The following LNPK variants were observed in gnomAD, a reference collection of about 807,000 sequenced individuals.
LNPK encodes the protein lunapark, ER junction formation factor.
A neutral mutation model predicts 55.2 loss-of-function variants in LNPK; 29 were observed. The ratio of observed to expected loss-of-function variants is 0.53; its 90% confidence interval spans 0.39 to 0.72. The LOEUF (loss-of-function observed/expected upper bound fraction) is 0.72. Among genes scored for constraint, LNPK ranks in the 30% least tolerant of loss-of-function variants. The pLI is 0.00. For synonymous variants in LNPK, 162 were observed against 168.2 expected, an observed-to-expected ratio of 0.96 and a Z score of 0.29; for missense variants, 467 against 494.8, an observed-to-expected ratio of 0.94 and a Z score of 0.53.
intron 2 of LNPK, among the ~76,000 whole-genome samples, chr2:175,993,861 A>T (rs1687813353): frequency 6.6e-6 from 1 of 152,182 alleles, no homozygotes; most frequent in Non-Finnish European, 1.5e-5. Flanking sequence ...AATTCTTAGG[A>T]ATGATTACTC....
intron 9 of LNPK, among the ~76,000 whole-genome samples, chr2:175,942,217 G>T (rs751829189): frequency 1.3e-5 from 2 of 152,144 alleles, no homozygotes; most frequent in Non-Finnish European, 2.9e-5. Flanking sequence ...AAAGATAACT[G>T]ACTGCACTCT....
intron 1 of LNPK, among the ~76,000 whole-genome samples, chr2:175,999,046 T>C (rs1157995770): frequency 6.6e-6 from 1 of 152,178 alleles, no homozygotes; most frequent in Non-Finnish European, 1.5e-5. Context: ...GTGATAGTCA[T>C]TAAATGCCAT....
At chr2:175,933,953 G>T (rs955678885) in intron 12 of LNPK, among the ~76,000 whole-genome samples, 3 of 152,002 alleles carry the variant, frequency 2.0e-5, no homozygotes, top group Non-Finnish European at 1.5e-5. Context: ...GGCTGGTCTC[G>T]AACTGACCTT....
chr2:175,964,302 C>A (rs990267266), intron 8 of LNPK, 70 bp downstream of exon 8: 4 of 1,301,908 alleles, frequency 3.1e-6, no homozygotes, highest in Non-Finnish European at 4.4e-6. Flanking sequence ...ACCTCCAACA[C>A]ACTTTTGAAC....
At chr2:175,951,905 T>C (rs1045881672) in intron 8 of LNPK, among the ~76,000 whole-genome samples, 2 of 151,964 alleles carry the variant, frequency 1.3e-5, no homozygotes, top group Non-Finnish European at 2.9e-5. Context: ...CTTCTATTTT[T>C]TTAATTTTTT....
At chr2:175,972,510 A>G (rs1311990008) in intron 5 of LNPK, among the ~76,000 whole-genome samples, 1 of 152,106 alleles carries the variant, frequency 6.6e-6, no homozygotes, top group Non-Finnish European at 1.5e-5. Context: ...TTCAACCTAT[A>G]TAATAATTGA....
At chr2:175,949,921 T>C (rs931733254) in intron 8 of LNPK, among the ~76,000 whole-genome samples, 2 of 152,148 alleles carry the variant, frequency 1.3e-5, no homozygotes, top group Non-Finnish European at 2.9e-5. Flanking sequence ...CAGATTTATC[T>C]ACTTTTAACT....
At chr2:175,997,740 A>AGTGTGTGTGTGTGTGTGT (rs1559079701) in intron 1 of LNPK, among the ~76,000 whole-genome samples, 8 of 52,910 alleles carry the variant, frequency 1.5e-4, no homozygotes, top group African/African-American at 4.6e-4. Flanking sequence ...TGTGTGTATA[A>AGTGTGTGTGTGTGTGTGT]ATATAATTTT....
At chr2:175,975,103 T>A (rs529512274) in intron 5 of LNPK, among the ~76,000 whole-genome samples, 27 of 152,130 alleles carry the variant, frequency 1.8e-4, no homozygotes, top group African/African-American at 5.8e-4. Context: ...ATCTGCTATA[T>A]TACTAAATAT....
chr2:175,998,525 T>C (rs1360099582), intron 1 of LNPK, among the ~76,000 whole-genome samples: 1 of 152,102 alleles, frequency 6.6e-6, no homozygotes, highest in African/African-American at 2.4e-5. Context: ...TTTGATTTTT[T>C]AAGCACCCAG....
At position 175,964,379 on chromosome 2, in the gene LNPK, A is replaced by C; in HGVS notation, c.486T>G (p.Pro162=). ...TTCTACTAAGTTATTTACCTTGTCCAGGTCTTGCAGTTACAGCTGCTCCAG... is the reference window on the plus strand; with the variant it reads ...TTCTACTAAGTTATTTACCTTGTCCCGGTCTTGCAGTTACAGCTGCTCCAG... The part of the protein sequence containing the change: ...PSAGAAVTAR[P]GQEIRQRTAA... The change falls in exon 8 of 13, where the codon CCT becomes CCG. Residue 162 remains proline (P), a synonymous_variant. Transcript: ENST00000272748. 1 of 1,612,886 alleles carries C rather than the reference A, an allele frequency of 6.2e-7. No homozygotes were observed. Among genetic ancestry groups the C allele is most frequent in the Non-Finnish European group, 8.5e-7 (1 of 1,178,938 alleles).
chr2:175,957,253 G>A, intron 8 of LNPK, among the ~76,000 whole-genome samples: 1 of 151,932 alleles, frequency 6.6e-6, no homozygotes, highest in South Asian at 2.1e-4. Flanking sequence ...AGCTACTCAG[G>A]AGGCTGAGGC....
At chr2:175,982,035 A>G (rs552985382) in intron 4 of LNPK, among the ~76,000 whole-genome samples, 1 of 152,302 alleles carries the variant, frequency 6.6e-6, no homozygotes, top group South Asian at 2.1e-4. Flanking sequence ...CATTTGGACA[A>G]TTACCTAAAA....
chr2:175,984,478 C>G lies in LNPK; in HGVS notation c.258-4610G>C, dbSNP rs193287213. On this transcript the variant is annotated intron_variant, in intron 4 of 12. Coordinates refer to ENST00000272748, the MANE Select transcript of LNPK (RefSeq NM_030650.3). ...CGTGAACCACTGCACCCGGCCAGAA[C>G]TTTTATCTATAATATATGAAGAACT... Among the ~76,000 whole-genome samples, 6 of 152,088 alleles carry G rather than the reference C, an allele frequency of 3.9e-5. No individual in the cohort carries two copies. The East Asian group carries it at 9.7e-4, about 25-fold the overall frequency.
upstream of LNPK, chr2:176,002,676 G>C (rs539772082): frequency 4.7e-4 from 77 of 164,930 alleles, no homozygotes; most frequent in Non-Finnish European, 7.4e-4. Flanking sequence ...ATCTGGAAGG[G>C]AGTCCGTCCT....
chr2:175,966,150 C>T (rs925208706), intron 6 of LNPK, among the ~76,000 whole-genome samples: 1 of 152,150 alleles, frequency 6.6e-6, no homozygotes, highest in Admixed American at 6.5e-5. Context: ...CTGCAGCCTC[C>T]ACCTCCCAGG....
chr2:175,933,975 G>A (rs932867309), intron 12 of LNPK, among the ~76,000 whole-genome samples: 6 of 152,046 alleles, frequency 3.9e-5, no homozygotes, highest in Admixed American at 2.0e-4. Context: ...TGATCCGCCC[G>A]CCTTGGCCTC....
intron 9 of LNPK, among the ~76,000 whole-genome samples, chr2:175,944,617 T>C (rs1331545041): frequency 1.3e-5 from 2 of 152,102 alleles, no homozygotes; most frequent in Non-Finnish European, 2.9e-5. Flanking sequence ...AATGGAGGTT[T>C]ACATGGAGAC....
chr2:175,965,863 C>T (rs536143689), intron 6 of LNPK, among the ~76,000 whole-genome samples: 1 of 151,946 alleles, frequency 6.6e-6, no homozygotes, highest in Admixed American at 6.5e-5. Flanking sequence ...CCCAAATCAA[C>T]ATAATCTACA....
Sources: allele counts gnomAD v4.1 joint callset (sites outside exome capture counted in the v4.1 genomes callset), GRCh38; gene constraint gnomAD v4.1.1; transcripts MANE v1.5; gene names NCBI Gene and HGNC (gene_info 2026-07-23, HGNC 2026-07-21).